The following OR5K1 variants were observed in gnomAD, a reference collection of about 807,000 sequenced individuals.
OR5K1 encodes the protein olfactory receptor 5K1.
A neutral mutation model predicts 10.4 loss-of-function variants in OR5K1; 7 were observed. That is an observed-to-expected ratio of 0.67 (90% CI 0.38 to 1.26). The LOEUF (loss-of-function observed/expected upper bound fraction) is 1.26. OR5K1 is among the 50% of genes most tolerant of loss of function. The probability of loss-of-function intolerance (pLI) is 0.02; values close to 1 mark genes in which losing one functional copy is unlikely to be tolerated. For synonymous variants in OR5K1, 135 were observed against 128.5 expected (o/e 1.05, Z -0.34); for missense variants, 435 against 366.2 (o/e 1.19, Z -1.53).
rs770217593 is a variant in OR5K1 at position 98,470,516 on chromosome 3, T to C, written c.*13T>C. The C allele has an allele frequency of 1.4e-6, 2 of 1,445,098 alleles. No homozygotes were observed. Among genetic ancestry groups the C allele is most frequent in the East Asian group, 2.3e-5 (1 of 43,952 alleles). 89.5% of individuals were successfully genotyped at this position (1,445,098 alleles called of 1,614,324 possible). On this transcript the variant is annotated 3_prime_UTR_variant, in exon 2 of 2. Coordinates refer to ENST00000642057, the MANE Select transcript of OR5K1 (RefSeq NM_001004736.4). ...GATGAAGAAATAATCTCAAGAAAGA[T>C]GGAAACAAGTGACATCTACTATAGC...
intron 1 of OR5K1, among the ~76,000 whole-genome samples, chr3:98,468,132 T>C (rs984251832): frequency 2.0e-5 from 3 of 152,002 alleles, no homozygotes; most frequent in African/African-American, 7.2e-5. Context: ...TTTTCTCATT[T>C]CCCCTAATCT....
In OR5K1 at chr3:98,466,088, C is replaced by T. The variant is rs867206420; in HGVS notation, c.-12+2781C>T. Among the ~76,000 whole-genome samples the T allele has an allele frequency of 4.4e-4, 67 of 151,690 alleles. 2 individuals are homozygous for T. The South Asian group carries it at 0.013, about 28-fold the overall frequency. Reference sequence around the variant, plus strand: ...CACAGTCCCCAGAGTGTGATATTCCCCTTCCTGTGTCCATGTGATCTCATT... The same window carrying T: ...CACAGTCCCCAGAGTGTGATATTCCTCTTCCTGTGTCCATGTGATCTCATT... On this transcript the variant is annotated intron_variant, in intron 1 of 1. Transcript: ENST00000642057.
At position 98,469,955 on chromosome 3, in the gene OR5K1, T is replaced by G. The variant is rs377526913; in HGVS notation, c.379T>G (p.Cys127Gly). 3.1e-6 allele frequency: 5 copies of G among 1,613,648 alleles called. No homozygotes were observed. In the East Asian group the frequency reaches 6.7e-5, roughly 22 times the overall value. The change falls in exon 2 of 2, where the codon TGC becomes GGC. Residue 127 changes from cysteine (C) to glycine (G), a missense_variant. Transcript: ENST00000642057. ...GGCCTATGACCGCTATGTGGCCATA[T>G]GCAACCCACTGCAGTACCACATCAT... ...AMAYDRYVAI[C>G]NPLQYHIMMS...
intron 1 of OR5K1, among the ~76,000 whole-genome samples, chr3:98,464,582 C>A (rs776885987): frequency 1.3e-5 from 2 of 151,956 alleles, no homozygotes; most frequent in Admixed American, 1.3e-4. Flanking sequence ...AAATGCTCCC[C>A]GATAGGTAAG....
Position 98,465,334 on chromosome 3 carries a change from C to T in OR5K1, c.-12+2027C>T, listed in dbSNP as rs185212576. Among the ~76,000 whole-genome samples the T allele has an allele frequency of 4.4e-3, 674 of 152,170 alleles. 4 individuals are homozygous for T. The highest frequency in any genetic ancestry group is 0.014 in the Middle Eastern group (4 of 294). On this transcript the variant is annotated intron_variant, in intron 1 of 1. Coordinates refer to ENST00000642057, the MANE Select transcript of OR5K1 (RefSeq NM_001004736.4). ...TTTTAATGATTGTACGATATGCCAT[C>T]GTGTGAATGATTCACATTTATTTCA...
chr3:98,464,814 A>G (rs565962764), intron 1 of OR5K1, among the ~76,000 whole-genome samples: 1 of 152,320 alleles, frequency 6.6e-6, no homozygotes, highest in East Asian at 1.9e-4. Flanking sequence ...ATAGTTTGAG[A>G]TGCAGGATTG....
At chr3:98,464,872 G>A (rs1055673975) in intron 1 of OR5K1, among the ~76,000 whole-genome samples, 1 of 152,190 alleles carries the variant, frequency 6.6e-6, no homozygotes. Context: ...TATCATAAAA[G>A]TGGAGTAGGC....
At chr3:98,465,483 T>C (rs1475737719) in intron 1 of OR5K1, among the ~76,000 whole-genome samples, 1 of 152,172 alleles carries the variant, frequency 6.6e-6, no homozygotes, top group African/African-American at 2.4e-5. Flanking sequence ...TATTTCTTTC[T>C]GGTCAATTCA....
intron 1 of OR5K1, among the ~76,000 whole-genome samples, chr3:98,464,509 A>G (rs962334843): frequency 6.6e-6 from 1 of 152,174 alleles, no homozygotes. Context: ...GCATCCAATG[A>G]CTATCAGTTC....
Position 98,470,782 on chromosome 3 carries a change from G to A in OR5K1, c.*279G>A, listed in dbSNP as rs757545913. The A allele has an allele frequency of 9.8e-6, 2 of 203,768 alleles. No homozygotes were observed. Among genetic ancestry groups the A allele is most frequent in the Non-Finnish European group, 2.0e-5 (2 of 102,274 alleles). 12.6% of individuals were successfully genotyped at this position (203,768 alleles called of 1,614,324 possible). A position where few individuals can be genotyped will look rare whatever the true frequency, so the allele number is the denominator to read the frequency against. ...GTTGTCAAGCTCTTGGTCTGTGTTG[G>A]CATCAGGGATGATAAGCATCCAAAA... On this transcript the variant is annotated 3_prime_UTR_variant, in exon 2 of 2. Transcript: ENST00000642057.
intron 1 of OR5K1, among the ~76,000 whole-genome samples, chr3:98,464,959 G>C (rs1705353856): frequency 6.6e-6 from 1 of 152,132 alleles, no homozygotes; most frequent in Non-Finnish European, 1.5e-5. Context: ...AAATTCCCAT[G>C]ATTATTGTGC....
rs1471509805 is a variant in OR5K1, at chr3:98,469,808, A to G, written c.232A>G (p.Thr78Ala). 5 of 1,613,608 alleles carry G rather than the reference A, an allele frequency of 3.1e-6. No individual in the cohort carries two copies. Among genetic ancestry groups the G allele is most frequent in the Non-Finnish European group, 4.2e-6 (5 of 1,179,810 alleles). ...LVDSCCACAI[T>A]PKMLENFFSE... ...GGATTCTTGCTGTGCCTGTGCTATT[A>G]CCCCCAAAATGTTAGAGAACTTCTT... The change falls in exon 2 of 2, where the codon ACC becomes GCC. Residue 78 changes from threonine to alanine, a missense_variant. Coordinates refer to ENST00000642057, the MANE Select transcript of OR5K1 (RefSeq NM_001004736.4).
chr3:98,469,443 C>A (rs1247876728), intron 1 of OR5K1, 123 bp from the exon 2 acceptor site: 6 of 910,680 alleles, frequency 6.6e-6, no homozygotes, highest in Non-Finnish European at 8.2e-6. Context: ...GGGGCATGCA[C>A]CAAAGTCCAG....
chr3:98,470,351 T>C lies in OR5K1; in HGVS notation c.775T>C (p.Tyr259His), dbSNP rs377414042. 2.2e-5 allele frequency: 36 copies of C among 1,613,190 alleles called. No homozygotes were observed. In the African/African-American group the frequency reaches 2.4e-4, roughly 11 times the overall value. Residue 259 changes from tyrosine (Y) to histidine (H), a missense_variant, in exon 2 of 2, where the codon TAC becomes CAC. Transcript: ENST00000642057. ...SLFYGSLFFM[Y>H]VRPNLLEEGD... is the part of the protein sequence containing the mutation. ...ATTCTATGGATCTCTTTTCTTCATG[T>C]ACGTTAGACCAAATTTGCTTGAAGA...
chr3:98,465,085 T>C (rs987647460), intron 1 of OR5K1, among the ~76,000 whole-genome samples: 1 of 152,170 alleles, frequency 6.6e-6, no homozygotes, highest in African/African-American at 2.4e-5. Flanking sequence ...TTGAAAGAAA[T>C]GGAGGAAAAT....
chr3:98,470,816 C>A lies in OR5K1; in HGVS notation c.*313C>A. 5.6e-6 allele frequency: 1 copy of A among 177,858 alleles called. No homozygotes were observed. Among genetic ancestry groups the A allele is most frequent in the Non-Finnish European group, 1.2e-5 (1 of 85,260 alleles). The allele number at this position is 177,858 out of a possible 1,614,324, so 11.0% of individuals were successfully genotyped here. On this transcript the variant is annotated 3_prime_UTR_variant, in exon 2 of 2. Coordinates refer to ENST00000642057, the MANE Select transcript of OR5K1 (RefSeq NM_001004736.4). Reference sequence around the variant, plus strand: ...ATGATAAGCATCCAAAAGAACACAGCAAAACTGGAAGTTACAAGTTCAAAG... The same window carrying A: ...ATGATAAGCATCCAAAAGAACACAGAAAAACTGGAAGTTACAAGTTCAAAG...
In OR5K1 at chr3:98,471,810, G is replaced by A. The variant is rs529274621; in HGVS notation, c.*1307G>A. 1.1e-4 allele frequency: 17 copies of A among 152,108 alleles called. No homozygotes were observed. In the South Asian group the frequency reaches 2.5e-3, roughly 22 times the overall value. The allele number at this position is 152,108 out of a possible 1,614,324, so 9.4% of individuals were successfully genotyped here. ...AATATGCTGAGTCTGTACAGAAAAA[G>A]TAATAGGAGAGCAGATGAATTTCCA... On this transcript the variant is annotated 3_prime_UTR_variant, in exon 2 of 2. Transcript: ENST00000642057.
rs1705416868 is a variant in OR5K1 at position 98,469,654 on chromosome 3, G to T, written c.78G>T (p.Leu26=). The change falls in exon 2 of 2, where the codon CTG becomes CTT. Residue 26 remains leucine (L), a synonymous_variant. Transcript: ENST00000642057. The part of the protein sequence containing the change: ...GFTDHPELKT[L]LFVVFFAIYL... Reference sequence around the variant, plus strand: ...CAGATCACCCTGAGCTGAAGACTCTGCTGTTTGTGGTGTTCTTTGCCATCT... The same window carrying T: ...CAGATCACCCTGAGCTGAAGACTCTTCTGTTTGTGGTGTTCTTTGCCATCT... 6.2e-7 allele frequency: 1 copy of T among 1,613,676 alleles called. No individual in the cohort carries two copies. The highest frequency in any genetic ancestry group is 8.5e-7 in the Non-Finnish European group (1 of 1,179,758).
intron 1 of OR5K1, among the ~76,000 whole-genome samples, chr3:98,464,743 T>G (rs1305521428): frequency 1.3e-5 from 2 of 152,188 alleles, no homozygotes; most frequent in African/African-American, 4.8e-5. Flanking sequence ...AAAGAGATAT[T>G]GCTTCCATAG....
Sources: allele counts gnomAD v4.1 joint callset (sites outside exome capture counted in the v4.1 genomes callset), GRCh38; gene constraint gnomAD v4.1.1; transcripts MANE v1.5; gene names NCBI Gene and HGNC (gene_info 2026-07-23, HGNC 2026-07-21).